CDH8: variants seen among roughly 807,000 people sequenced by gnomAD.
CDH8 encodes cadherin-8.
A neutral mutation model predicts 68.1 loss-of-function variants in CDH8; 17 were observed. The ratio of observed to expected loss-of-function variants is 0.25; its 90% CI spans 0.17 to 0.37. The LOEUF (loss-of-function observed/expected upper bound fraction) is 0.37, where lower values mean the gene tolerates loss of function less well. CDH8 is among the 10% of genes least tolerant of loss of function. The probability of loss-of-function intolerance (pLI) is 1.00; values close to 1 mark genes in which losing one functional copy is unlikely to be tolerated. For synonymous variants in CDH8, 372 were observed against 365.1 expected, an observed-to-expected ratio of 1.02 and a Z score of -0.21; for missense variants, 763 against 999.3, an observed-to-expected ratio of 0.76 and a Z score of 3.19.
At chr16:61,659,044 A>G (rs540300024) in intron 10 of CDH8, among the ~76,000 whole-genome samples, 1 of 152,306 alleles carries the variant, frequency 6.6e-6, no homozygotes, top group Non-Finnish European at 1.5e-5. Context: ...TATAAAATTT[A>G]ATTGTCTTAT....
At chr16:61,709,677 C>T (rs1964593209) in intron 10 of CDH8, among the ~76,000 whole-genome samples, 1 of 151,930 alleles carries the variant, frequency 6.6e-6, no homozygotes, top group Admixed American at 6.6e-5. Context: ...CAATTGGAAA[C>T]TACCATTGTG....
At chr16:61,861,837 T>G (rs1273799983) in intron 3 of CDH8, among the ~76,000 whole-genome samples, 1 of 152,192 alleles carries the variant, frequency 6.6e-6, no homozygotes, top group Admixed American at 6.5e-5. Flanking sequence ...TTATATGGAT[T>G]ACTGTATGCA....
intron 1 of CDH8, among the ~76,000 whole-genome samples, chr16:62,026,231 G>A (rs1018279586): frequency 6.6e-6 from 1 of 152,200 alleles, no homozygotes; most frequent in Non-Finnish European, 1.5e-5. Context: ...CCAATAAAGA[G>A]CCAATGCTAG....
chr16:61,894,120 T>A (rs1455030609), intron 3 of CDH8, among the ~76,000 whole-genome samples: 1 of 152,158 alleles, frequency 6.6e-6, no homozygotes, highest in Non-Finnish European at 1.5e-5. Flanking sequence ...CATGAAGTGA[T>A]CAAAATTATT....
intron 2 of CDH8, among the ~76,000 whole-genome samples, chr16:61,933,305 G>A (rs1284424496): frequency 6.6e-6 from 1 of 152,150 alleles, no homozygotes; most frequent in Admixed American, 6.5e-5. Flanking sequence ...AAGAGGAGAG[G>A]CTGTATTTGC....
intron 4 of CDH8, among the ~76,000 whole-genome samples, chr16:61,844,438 A>T (rs1031120174): frequency 6.6e-6 from 1 of 152,086 alleles, no homozygotes; most frequent in Non-Finnish European, 1.5e-5. Context: ...AATAAAGTTT[A>T]AAAAAAAGTT....
chr16:61,820,715 A>G lies in CDH8; in HGVS notation c.1023+211T>C, dbSNP rs1035827786. ...GTTGGAGGACAAGCACTATTATGGT[A>G]GCTGTTTACTAGACCTTTAGCAGAA... is the stretch of plus-strand genomic sequence containing the variant. On this transcript the variant is annotated intron_variant, in intron 6 of 11. Transcript: ENST00000577390. 2.0e-5 allele frequency among the ~76,000 whole-genome samples: 3 copies of G among 151,936 alleles called. No individual in the cohort carries two copies. In the South Asian group the frequency reaches 6.2e-4, roughly 31 times the overall value.
At chr16:61,873,210 T>C (rs942050514) in intron 3 of CDH8, among the ~76,000 whole-genome samples, 4 of 152,182 alleles carry the variant, frequency 2.6e-5, no homozygotes, top group Admixed American at 2.6e-4. Flanking sequence ...AAAGATTAAT[T>C]ATTTTGATAA....
intron 7 of CDH8, among the ~76,000 whole-genome samples, chr16:61,800,302 G>A (rs1446783462): frequency 2.0e-5 from 3 of 152,068 alleles, no homozygotes; most frequent in African/African-American, 4.8e-5. Context: ...CTACCCACAC[G>A]GTCTCACCCG....
At chr16:61,846,016 T>C (rs1173329142) in intron 4 of CDH8, among the ~76,000 whole-genome samples, 1 of 151,980 alleles carries the variant, frequency 6.6e-6, no homozygotes, top group Non-Finnish European at 1.5e-5. Flanking sequence ...TAAATTAGAG[T>C]TTTGCTCCAA....
intron 8 of CDH8, among the ~76,000 whole-genome samples, chr16:61,765,030 A>G (rs1050044579): frequency 6.6e-6 from 1 of 152,102 alleles, no homozygotes; most frequent in African/African-American, 2.4e-5. Context: ...ATATGTGTAA[A>G]GAGCTGTAAA....
At chr16:61,789,975 G>A (rs2142994380) in intron 7 of CDH8, among the ~76,000 whole-genome samples, 1 of 151,956 alleles carries the variant, frequency 6.6e-6, no homozygotes, top group Admixed American at 6.6e-5. Flanking sequence ...GTGGTCGTTT[G>A]TTTTGTTTTA....
chr16:61,652,694 A>T lies in CDH8; in HGVS notation c.*914T>A. The T allele has an allele frequency of 8.1e-7, 1 of 1,240,614 alleles. No homozygotes were observed. The highest frequency in any genetic ancestry group is 1.0e-6 in the Non-Finnish European group (1 of 984,988). 76.9% of individuals were successfully genotyped at this position (1,240,614 alleles called of 1,614,324 possible). A position where few individuals can be genotyped will look rare whatever the true frequency, so the allele number is the denominator to read the frequency against. On this transcript the variant is annotated 3_prime_UTR_variant, in exon 12 of 12. Coordinates refer to ENST00000577390, the MANE Select transcript of CDH8 (RefSeq NM_001796.5). ...TGGATATAATTTAGTTTTTTCCCATATATCCCCTTAATCTATAGATTACCG... is the reference window on the plus strand; with the variant it reads ...TGGATATAATTTAGTTTTTTCCCATTTATCCCCTTAATCTATAGATTACCG...
intron 2 of CDH8, among the ~76,000 whole-genome samples, chr16:61,960,102 CACAT>C (rs1460991243): frequency 7.4e-6 from 1 of 136,012 alleles, no homozygotes; most frequent in Non-Finnish European, 1.6e-5. Flanking sequence ...TGTGTGTATA[CACAT>C]ACATATATAC....
At position 61,768,361 on chromosome 16, in the gene CDH8, T is replaced by TCC. The variant is rs1960671073; in HGVS notation, c.1414+20984_1414+20985insGG. ...CTCTCTCTCTCTCTCTCTCTCTCTC[T>TCC]CTCTCTCCCTTTCTCTCTCTCTCTC... is the stretch of plus-strand genomic sequence containing the variant. On this transcript the variant is annotated intron_variant, in intron 8 of 11. Coordinates refer to ENST00000577390, the MANE Select transcript of CDH8 (RefSeq NM_001796.5). 1.8e-4 allele frequency among the ~76,000 whole-genome samples: 19 copies of TCC among 106,712 alleles called. 1 individual carries two copies. Among genetic ancestry groups the TCC allele is most frequent in the East Asian group, 1.4e-3 (5 of 3,666 alleles). The allele number at this position is 106,712 out of a possible 152,430, so 70.0% of individuals were successfully genotyped here.
chr16:61,901,319 G>C lies in CDH8; in HGVS notation c.407C>G (p.Ala136Gly). 1 of 1,613,924 alleles carries C rather than the reference G, an allele frequency of 6.2e-7. No individual in the cohort carries two copies. Among genetic ancestry groups the C allele is most frequent in the Non-Finnish European group, 8.5e-7 (1 of 1,179,948 alleles). Residue 136 changes from alanine to glycine, a missense_variant, in exon 3 of 12, where the codon GCT (alanine) becomes GGT (glycine). Physicochemically the swap from Ala to Gly is moderately conservative, Grantham distance 60. Coordinates refer to ENST00000577390, the MANE Select transcript of CDH8 (RefSeq NM_001796.5). ...GCTTGTCTCCCAGTCCACTGCTTGAGCTGTTAGGGTATACTCAGCCTTTTC... is the reference window on the plus strand; with the variant it reads ...GCTTGTCTCCCAGTCCACTGCTTGACCTGTTAGGGTATACTCAGCCTTTTC... ...REEKAEYTLT[A>G]QAVDWETSKP...
At chr16:61,906,125 G>C (rs1166458066) in intron 2 of CDH8, among the ~76,000 whole-genome samples, 1 of 152,092 alleles carries the variant, frequency 6.6e-6, no homozygotes, top group African/African-American at 2.4e-5. Flanking sequence ...AAGATACAGG[G>C]TATGGATTTA....
chr16:61,901,477 A>T lies in CDH8; in HGVS notation c.253-4T>A. On this transcript the variant is annotated splice_polypyrimidine_tract_variant and splice_region_variant and intron_variant, in intron 2 of 11. Transcript: ENST00000577390. ...CAGGATCCAGGTCTGTGTGTAGCTG[A>T]AATGAAAAATGGCATTAGTTAGTGA... The T allele has an allele frequency of 6.2e-7, 1 of 1,600,446 alleles. No homozygotes were observed. Among genetic ancestry groups the T allele is most frequent in the Non-Finnish European group, 8.5e-7 (1 of 1,171,120 alleles).
intron 2 of CDH8, among the ~76,000 whole-genome samples, chr16:61,933,403 A>C (rs1241985713): frequency 6.6e-6 from 1 of 152,216 alleles, no homozygotes; most frequent in Non-Finnish European, 1.5e-5. Context: ...AAGGTCTTGG[A>C]GAAACTAACA....
Sources: gnomAD v4.1 joint callset for allele counts (sites outside exome capture counted in the v4.1 genomes callset) on GRCh38, gnomAD v4.1.1 for gene constraint, MANE v1.5 for transcripts, NCBI Gene and HGNC (gene_info 2026-07-23, HGNC 2026-07-21) for gene names.